NCKAP1: variants seen among roughly 807,000 people sequenced by gnomAD.
NCKAP1 encodes the protein nck-associated protein 1.
A neutral mutation model predicts 151.2 loss-of-function variants in NCKAP1; 21 were observed. The ratio of observed to expected loss-of-function variants is 0.14; its 90% CI spans 0.10 to 0.20. The LOEUF (loss-of-function observed/expected upper bound fraction) is 0.20, where lower values mean the gene tolerates loss of function less well. Ranked by LOEUF, NCKAP1 falls within the 10% of genes least tolerant of loss-of-function variation. NCKAP1 has a pLI of 1.00. For missense variants in NCKAP1, 933 were observed against 1,352.1 expected (o/e 0.69, Z 4.86); for synonymous variants, 484 against 451.8 (o/e 1.07, Z -0.90).
intron 9 of NCKAP1, among the ~76,000 whole-genome samples, chr2:182,988,422 T>C (rs1698100537): frequency 6.6e-6 from 1 of 152,202 alleles, no homozygotes; most frequent in Non-Finnish European, 1.5e-5. Flanking sequence ...CCACCAAGTC[T>C]GAGTTCAATT....
At chr2:182,963,304 T>A (rs959873634) in intron 17 of NCKAP1, among the ~76,000 whole-genome samples, 5 of 152,098 alleles carry the variant, frequency 3.3e-5, no homozygotes, top group Non-Finnish European at 5.9e-5. Flanking sequence ...AAGACATAAA[T>A]CTTCTGCTAT....
chr2:183,010,117 T>C (rs923147137), intron 2 of NCKAP1, among the ~76,000 whole-genome samples: 8 of 152,198 alleles, frequency 5.3e-5, no homozygotes, highest in African/African-American at 1.7e-4. Context: ...AACTTAAAAT[T>C]TGTGTCCATG....
chr2:182,953,395 A>T, intron 20 of NCKAP1, 64 bp from the exon 21 acceptor site: 2 of 1,041,806 alleles, frequency 1.9e-6, no homozygotes, highest in South Asian at 3.1e-5. Flanking sequence ...AAAATAAACC[A>T]CTCAACCTAC....
At chr2:182,952,750 T>G in intron 22 of NCKAP1, 43 bp downstream of exon 22, 1 of 1,510,522 alleles carries the variant, frequency 6.6e-7, no homozygotes, top group African/African-American at 1.4e-5. Context: ...GCAAAAGAAT[T>G]AAGTGTTCTT....
intron 12 of NCKAP1, 144 bp downstream of exon 12, chr2:182,982,677 A>G (rs769801526): frequency 3.3e-6 from 2 of 597,550 alleles, no homozygotes; most frequent in Non-Finnish European, 5.7e-6. Flanking sequence ...GCTAAGCTCT[A>G]ATGTTCAGTA....
intron 6 of NCKAP1, among the ~76,000 whole-genome samples, chr2:182,998,216 T>C (rs1156968064): frequency 2.0e-5 from 3 of 151,962 alleles, no homozygotes; most frequent in Non-Finnish European, 4.4e-5. Context: ...CCATAGCCAA[T>C]ATACGGAATG....
chr2:182,983,311 T>C lies in NCKAP1; in HGVS notation c.1076A>G (p.Asp359Gly). 6.2e-7 allele frequency: 1 copy of C among 1,611,850 alleles called. No homozygotes were observed. ...ALKELATVLS[D>G]QPGLLGPKAL... ...CTTGGGACCTAGCAATCCAGGTTGA[T>C]CAGAGAGGACAGTAGCCAATTCCTT... The change falls in exon 11 of 31, where the codon GAT becomes GGT. Residue 359 changes from aspartate (D) to glycine (G), a missense_variant. Around this residue, in one of 2 missense-constraint regions of NCKAP1, gnomAD observed 607 missense variants for 795.0 expected, o/e 0.76. Transcript: ENST00000361354.
At chr2:183,022,362 T>G (rs1013738746) in intron 2 of NCKAP1, among the ~76,000 whole-genome samples, 1 of 152,172 alleles carries the variant, frequency 6.6e-6, no homozygotes, top group African/African-American at 2.4e-5. Context: ...TCAGATGAGG[T>G]AGCCAATTAA....
intron 24 of NCKAP1, among the ~76,000 whole-genome samples, chr2:182,936,144 A>C (rs1401337792): frequency 6.6e-6 from 1 of 152,036 alleles, no homozygotes; most frequent in Non-Finnish European, 1.5e-5. Flanking sequence ...CTGTGGTCCT[A>C]GTACTTGGGA....
intron 26 of NCKAP1, among the ~76,000 whole-genome samples, chr2:182,931,655 C>A (rs1183565571): frequency 6.6e-6 from 1 of 151,996 alleles, no homozygotes; most frequent in Non-Finnish European, 1.5e-5. Flanking sequence ...AAACAAACCC[C>A]CAAAAACAGA....
intron 6 of NCKAP1, among the ~76,000 whole-genome samples, chr2:182,996,460 G>A (rs1698270418): frequency 6.6e-6 from 1 of 151,938 alleles, no homozygotes; most frequent in African/African-American, 2.4e-5. Flanking sequence ...TGTAAAGAGT[G>A]ATTCTTTTTT....
intron 1 of NCKAP1, among the ~76,000 whole-genome samples, chr2:183,029,774 C>G (rs1257625916): frequency 2.2e-5 from 3 of 135,802 alleles, no homozygotes; most frequent in Non-Finnish European, 4.6e-5. Flanking sequence ...GAGCCCTGTT[C>G]ACAACCACTG....
chr2:182,975,344 T>G (rs1177721706), intron 15 of NCKAP1, among the ~76,000 whole-genome samples: 1 of 152,170 alleles, frequency 6.6e-6, no homozygotes, highest in Non-Finnish European at 1.5e-5. Flanking sequence ...TTAATGCTTT[T>G]ATTTATAAAA....
At chr2:183,020,926 T>C (rs1415729427) in intron 2 of NCKAP1, among the ~76,000 whole-genome samples, 2 of 152,152 alleles carry the variant, frequency 1.3e-5, no homozygotes, top group African/African-American at 4.8e-5. Context: ...CAAGACTTTA[T>C]ATATGCCCAA....
intron 10 of NCKAP1, among the ~76,000 whole-genome samples, chr2:182,983,914 C>G (rs888910114): frequency 2.0e-5 from 3 of 151,894 alleles, no homozygotes; most frequent in Non-Finnish European, 2.9e-5. Flanking sequence ...GCCTGTAATC[C>G]CAGCTACTTG....
chr2:182,994,068 T>C (rs903219538), intron 8 of NCKAP1, among the ~76,000 whole-genome samples: 2 of 152,172 alleles, frequency 1.3e-5, no homozygotes, highest in Admixed American at 6.5e-5. Context: ...GTAAGCTTCT[T>C]AGAAGCAGAA....
chr2:182,991,635 CTTT>C (rs773293226), intron 8 of NCKAP1, among the ~76,000 whole-genome samples: 6 of 151,560 alleles, frequency 4.0e-5, no homozygotes, highest in Non-Finnish European at 8.8e-5. Flanking sequence ...CATCAATCTC[CTTT>C]ACCAAAATTA....
intron 1 of NCKAP1, 94 bp from the exon 2 acceptor site, chr2:183,024,010 T>C: frequency 1.0e-6 from 1 of 990,508 alleles, no homozygotes. Flanking sequence ...GAGATATTTA[T>C]TGTTTTTGGT....
chr2:183,001,860 T>C, intron 6 of NCKAP1, 93 bp downstream of exon 6: 1 of 1,076,230 alleles, frequency 9.3e-7, no homozygotes, highest in East Asian at 2.4e-5. Flanking sequence ...ATTATAGTAT[T>C]TTTCAAAAAC....
Sources: gnomAD v4.1 joint callset for allele counts (sites outside exome capture counted in the v4.1 genomes callset) on GRCh38, gnomAD v4.1.1 for gene constraint, gnomAD v4.1.1 regional missense constraint, MANE v1.5 for transcripts, NCBI Gene and HGNC (gene_info 2026-07-23, HGNC 2026-07-21) for gene names.